Variants in GRIA2 observed in about 807,000 individuals in gnomAD.
GRIA2 encodes glutamate ionotropic receptor AMPA type subunit 2.
Under a neutral mutation model 97.3 loss-of-function variants are expected in GRIA2, and 14 were observed. The observed-to-expected ratio is 0.14, with a 90% CI of 0.10 to 0.23. The LOEUF is 0.23. Ranked by LOEUF, GRIA2 falls within the 10% of genes least tolerant of loss-of-function variation. The probability of loss-of-function intolerance (pLI) is 1.00; values close to 1 mark genes in which losing one functional copy is unlikely to be tolerated. For synonymous variants in GRIA2, 412 were observed against 387.8 expected (o/e 1.06, Z -0.73); for missense variants, 558 against 1,069.8 (o/e 0.52, Z 6.67).
intron 2 of GRIA2, among the ~76,000 whole-genome samples, chr4:157,273,863 G>C (rs1018794665): frequency 1.3e-5 from 2 of 151,976 alleles, no homozygotes; most frequent in South Asian, 2.1e-4. Flanking sequence ...TACACATCCA[G>C]ATATCTCAAA....
At chr4:157,231,862 A>G (rs1258076184) in intron 2 of GRIA2, among the ~76,000 whole-genome samples, 2 of 152,204 alleles carry the variant, frequency 1.3e-5, no homozygotes, top group African/African-American at 4.8e-5. Flanking sequence ...TGTTTTAAAA[A>G]TAAAAACATT....
At chr4:157,248,591 A>ATATACG (rs1167244306) in intron 2 of GRIA2, among the ~76,000 whole-genome samples, 3 of 122,542 alleles carry the variant, frequency 2.4e-5, no homozygotes, top group South Asian at 2.5e-4. Flanking sequence ...ACGTGTATAT[A>ATATACG]TGTATATATA....
At chr4:157,289,693 G>A (rs1321340699) in intron 2 of GRIA2, among the ~76,000 whole-genome samples, 1 of 151,718 alleles carries the variant, frequency 6.6e-6, no homozygotes, top group African/African-American at 2.4e-5. Context: ...GTTTCTTGAT[G>A]GATTATTTGT....
At chr4:157,295,217 G>C (rs1733289552) in intron 2 of GRIA2, among the ~76,000 whole-genome samples, 1 of 152,020 alleles carries the variant, frequency 6.6e-6, no homozygotes, top group South Asian at 2.1e-4. Flanking sequence ...ATGAAGGTCA[G>C]GAGGGGTAAA....
intron 2 of GRIA2, among the ~76,000 whole-genome samples, chr4:157,255,495 G>C (rs1271179221): frequency 6.6e-6 from 1 of 151,892 alleles, no homozygotes; most frequent in East Asian, 1.9e-4. Context: ...GTTTTCCATA[G>C]GGGTTTTACT....
intron 2 of GRIA2, among the ~76,000 whole-genome samples, chr4:157,243,664 C>A (rs1335545029): frequency 2.0e-5 from 3 of 152,000 alleles, no homozygotes. Flanking sequence ...TTTTGCTATT[C>A]TTTTCACTGG....
intron 2 of GRIA2, 106 bp from the exon 3 acceptor site, chr4:157,303,446 T>A (rs1733702179): frequency 1.2e-6 from 1 of 853,984 alleles, no homozygotes; most frequent in Non-Finnish European, 1.9e-6. Context: ...TCTTTCAATA[T>A]GTTAATTTTG....
At chr4:157,323,336 C>CAAAAAAAAAAA (rs779080483) in intron 6 of GRIA2, among the ~76,000 whole-genome samples, 3 of 51,476 alleles carry the variant, frequency 5.8e-5, no homozygotes, top group Non-Finnish European at 9.5e-5. Flanking sequence ...GACTCTGTCT[C>CAAAAAAAAAAA]AAAAAAAAAA....
chr4:157,355,901 A>ATATATT (rs1560781006), intron 12 of GRIA2, among the ~76,000 whole-genome samples: 2 of 2,674 alleles, frequency 7.5e-4, no homozygotes, highest in African/African-American at 1.0e-3. Flanking sequence ...ATTTATATAT[A>ATATATT]AATATATATA....
At chr4:157,302,221 C>T (rs570377303) in intron 2 of GRIA2, among the ~76,000 whole-genome samples, 1 of 151,262 alleles carries the variant, frequency 6.6e-6, no homozygotes. Context: ...TTACTAGTAG[C>T]TTTAAGCACT....
At chr4:157,245,762 C>T (rs1730705104) in intron 2 of GRIA2, among the ~76,000 whole-genome samples, 1 of 151,984 alleles carries the variant, frequency 6.6e-6, no homozygotes, top group Non-Finnish European at 1.5e-5. Flanking sequence ...GGAGTTTTGC[C>T]TATGTCTGTC....
intron 12 of GRIA2, among the ~76,000 whole-genome samples, chr4:157,355,772 T>TTTATATATTTATATATATTAG (rs1441563483): frequency 8.4e-4 from 87 of 103,306 alleles, no homozygotes; most frequent in African/African-American, 3.1e-3. Context: ...GTTATATATA[T>TTTATATATTTATATATATTAG]TTATATATTT....
chr4:157,249,199 G>C (rs1730916251), intron 2 of GRIA2, among the ~76,000 whole-genome samples: 1 of 152,052 alleles, frequency 6.6e-6, no homozygotes, highest in South Asian at 2.1e-4. Flanking sequence ...ACAGCCACCA[G>C]GGAGTTTGAA....
At chr4:157,221,232 C>T in intron 1 of GRIA2, 102 bp downstream of exon 1, 15 of 732,134 alleles carry the variant, frequency 2.0e-5, no homozygotes, top group Non-Finnish European at 3.5e-5. Flanking sequence ...TTATGTCATA[C>T]CTTGACTGCA....
intron 3 of GRIA2, among the ~76,000 whole-genome samples, chr4:157,305,778 A>G (rs1316426469): frequency 6.6e-6 from 1 of 152,162 alleles, no homozygotes; most frequent in African/African-American, 2.4e-5. Context: ...ACAATTTATA[A>G]TGAATGGGTG....
intron 11 of GRIA2, among the ~76,000 whole-genome samples, chr4:157,338,827 T>C (rs1735419685): frequency 6.6e-6 from 1 of 152,064 alleles, no homozygotes. Context: ...AAGTTAATGA[T>C]TTTTAATGAA....
intron 12 of GRIA2, among the ~76,000 whole-genome samples, chr4:157,349,532 C>T (rs1209199593): frequency 1.1e-4 from 15 of 140,380 alleles, no homozygotes; most frequent in African/African-American, 3.9e-4. Flanking sequence ...TATTGAAACA[C>T]CACTCTTTAG....
intron 13 of GRIA2, 38 bp from the exon 14 acceptor site, chr4:157,360,972 G>A: frequency 7.1e-7 from 1 of 1,408,244 alleles, no homozygotes; most frequent in Non-Finnish European, 1.0e-6. Flanking sequence ...TCTAAAATTT[G>A]CTCACCCTGT....
At position 157,361,311 on chromosome 4, in the gene GRIA2, A is replaced by G. The variant is rs1372428997; in HGVS notation, c.2406+187A>G. Among the ~76,000 whole-genome samples, 2 of 152,058 alleles carry G rather than the reference A, an allele frequency of 1.3e-5. No individual in the cohort carries two copies. Among genetic ancestry groups the G allele is most frequent in the Non-Finnish European group, 2.9e-5 (2 of 68,024 alleles). On this transcript the variant is annotated intron_variant, in intron 14 of 15. Coordinates refer to ENST00000264426, the MANE Select transcript of GRIA2 (RefSeq NM_001083619.3). This position sits in a 1 kb window ranked among gnomAD's most constrained non-coding sequence, Gnocchi z 5.2. ...CTTCTCTTTCCCTCTCTTTCTCCATATCTCAAGGAAAAATTTGTAACTAAT... is the reference window on the plus strand; with the variant it reads ...CTTCTCTTTCCCTCTCTTTCTCCATGTCTCAAGGAAAAATTTGTAACTAAT...
Sources: gnomAD v4.1 joint callset for allele counts (sites outside exome capture counted in the v4.1 genomes callset) on GRCh38, gnomAD v4.1.1 for gene constraint, Gnocchi (gnomAD v3.1) non-coding constraint, MANE v1.5 for transcripts, NCBI Gene and HGNC (gene_info 2026-07-23, HGNC 2026-07-21) for gene names.